CNOT2: variants seen among roughly 807,000 people sequenced by gnomAD.
The protein encoded by CNOT2 is CC chemokine receptor 4-negative regulator of transcription 2.
Under a neutral mutation model 72.1 loss-of-function variants are expected in CNOT2, and 7 were observed. The ratio of observed to expected loss-of-function variants is 0.10; its 90% CI spans 0.06 to 0.18. The LOEUF (loss-of-function observed/expected upper bound fraction) is 0.18, where lower values mean the gene tolerates loss of function less well. Ranked by LOEUF, CNOT2 falls within the 10% of genes least tolerant of loss-of-function variation. The pLI is 1.00. For missense variants in CNOT2, 345 were observed against 660.3 expected (o/e 0.52, Z 5.23); for synonymous variants, 196 against 225.6 (o/e 0.87, Z 1.17).
chr12:70,249,174 ATTAC>A (rs1411218936), intron 1 of CNOT2, among the ~76,000 whole-genome samples: 1 of 151,930 alleles, frequency 6.6e-6, no homozygotes, highest in Non-Finnish European at 1.5e-5. Context: ...GTGCTTTTGT[ATTAC>A]TTTCTACATT....
At chr12:70,259,913 G>A (rs1344284095) in intron 1 of CNOT2, among the ~76,000 whole-genome samples, 1 of 152,128 alleles carries the variant, frequency 6.6e-6, no homozygotes, top group East Asian at 1.9e-4. Context: ...CTCAGTATTT[G>A]TTAAAAAGAC....
rs147096510 is a variant in CNOT2, at chr12:70,262,996, G to A, written c.-95-15136G>A. On this transcript the variant is annotated intron_variant, in intron 1 of 15. Coordinates refer to ENST00000229195, the MANE Select transcript of CNOT2 (RefSeq NM_014515.7). ...CCTATTTTGCCTTTTTTGAAGGATG[G>A]TTTTGCTGGATATAAAATTCTTTAT... 4.3e-3 allele frequency among the ~76,000 whole-genome samples: 657 copies of A among 152,234 alleles called. 6 individuals carry two copies. The highest frequency in any genetic ancestry group is 0.014 in the African/African-American group (584 of 41,532).
chr12:70,335,368 T>C, intron 7 of CNOT2, 70 bp from the exon 8 acceptor site: 2 of 1,137,434 alleles, frequency 1.8e-6, no homozygotes, highest in Non-Finnish European at 2.6e-6. Flanking sequence ...AATTATATTA[T>C]GGTTGGTTTT....
intron 2 of CNOT2, among the ~76,000 whole-genome samples, chr12:70,305,129 G>A (rs75316520): frequency 1.2e-4 from 19 of 152,220 alleles, no homozygotes; most frequent in African/African-American, 4.8e-5. Flanking sequence ...CGGGTGAGGC[G>A]ATGCCCCGCC....
At chr12:70,250,546 CA>C (rs1227353461) in intron 1 of CNOT2, among the ~76,000 whole-genome samples, 5 of 151,252 alleles carry the variant, frequency 3.3e-5, no homozygotes, top group Non-Finnish European at 7.4e-5. Flanking sequence ...AGACAGTAAA[CA>C]AATAAATAAA....
chr12:70,325,006 C>A (rs962500039), intron 4 of CNOT2, among the ~76,000 whole-genome samples: 7 of 151,806 alleles, frequency 4.6e-5, no homozygotes, highest in African/African-American at 1.7e-4. Context: ...TTAGTGTGGT[C>A]CCTCCTACAA....
chr12:70,296,131 C>A (rs1276074054), intron 2 of CNOT2, among the ~76,000 whole-genome samples: 1 of 151,990 alleles, frequency 6.6e-6, no homozygotes, highest in Non-Finnish European at 1.5e-5. Flanking sequence ...TTTCCACCCT[C>A]CCCTCCCCCA....
At chr12:70,303,447 A>T (rs1050501114) in intron 2 of CNOT2, among the ~76,000 whole-genome samples, 1 of 152,140 alleles carries the variant, frequency 6.6e-6, no homozygotes, top group Admixed American at 6.5e-5. Flanking sequence ...GCTTGTCTGT[A>T]AAGTATTTTA....
intron 1 of CNOT2, among the ~76,000 whole-genome samples, chr12:70,262,152 A>G (rs1000933968): frequency 2.6e-4 from 40 of 151,648 alleles, no homozygotes; most frequent in Admixed American, 7.2e-4. Context: ...ATCTTTTTAG[A>G]TAATAAACTT....
Position 70,344,191 on chromosome 12 carries a change from G to A in CNOT2, c.1354G>A (p.Gly452Arg). The change falls in exon 14 of 16, where the codon GGA becomes AGA. Residue 452 changes from glycine to arginine, a missense_variant. Physicochemically the swap from Gly to Arg is moderately radical, Grantham distance 125. Coordinates refer to ENST00000229195, the MANE Select transcript of CNOT2 (RefSeq NM_014515.7). The part of the protein sequence containing the change: ...DLLFYLYYMN[G>R]GDVLQLLAAV... Reference sequence around the variant, plus strand: ...TCTCTTCTATCTCTATTACATGAATGGAGGAGACGTATTACAACTTTTAGC... The same window carrying A: ...TCTCTTCTATCTCTATTACATGAATAGAGGAGACGTATTACAACTTTTAGC... The A allele has an allele frequency of 1.2e-6, 2 of 1,612,224 alleles. No homozygotes were observed. Among genetic ancestry groups the A allele is most frequent in the South Asian group, 1.1e-5 (1 of 90,980 alleles).
intron 2 of CNOT2, among the ~76,000 whole-genome samples, chr12:70,299,846 T>C (rs1391552157): frequency 6.6e-6 from 1 of 152,198 alleles, no homozygotes; most frequent in Non-Finnish European, 1.5e-5. Flanking sequence ...ACCAGCAGTG[T>C]AAAAGTGTTC....
intron 14 of CNOT2, 139 bp downstream of exon 14, chr12:70,344,367 T>C (rs577407383): frequency 5.1e-6 from 3 of 592,968 alleles, no homozygotes; most frequent in Middle Eastern, 4.4e-4. Flanking sequence ...TTAAAGTGAA[T>C]TTAATTTAGA....
chr12:70,253,589 A>G (rs1003341875), intron 1 of CNOT2, among the ~76,000 whole-genome samples: 2 of 152,186 alleles, frequency 1.3e-5, no homozygotes, highest in East Asian at 1.9e-4. Flanking sequence ...TCTGGGCTCT[A>G]TAAACTTACT....
At chr12:70,304,975 G>T (rs759150260) in intron 2 of CNOT2, among the ~76,000 whole-genome samples, 3 of 152,238 alleles carry the variant, frequency 2.0e-5, no homozygotes, top group Non-Finnish European at 4.4e-5. Flanking sequence ...CTCTGAGCCA[G>T]GTGCGGGATA....
intron 5 of CNOT2, among the ~76,000 whole-genome samples, chr12:70,329,964 T>C (rs1412616304): frequency 6.6e-6 from 1 of 152,032 alleles, no homozygotes; most frequent in Non-Finnish European, 1.5e-5. Flanking sequence ...ATACATTTAG[T>C]ATGCAGAGGA....
intron 1 of CNOT2, among the ~76,000 whole-genome samples, chr12:70,245,820 T>C (rs767436003): frequency 1.3e-5 from 2 of 152,180 alleles, no homozygotes; most frequent in Non-Finnish European, 2.9e-5. Context: ...TTTATAACTT[T>C]GGATGTTGCA....
chr12:70,343,899 T>A (rs2136073525), intron 13 of CNOT2: 1 of 381,764 alleles, frequency 2.6e-6, no homozygotes, highest in East Asian at 4.2e-5. Flanking sequence ...AGTCAGCATA[T>A]CAATTAGATG....
At chr12:70,318,014 C>T (rs1019479619) in intron 3 of CNOT2, among the ~76,000 whole-genome samples, 1 of 151,868 alleles carries the variant, frequency 6.6e-6, no homozygotes, top group African/African-American at 2.4e-5. Context: ...CTCCATTAAC[C>T]TCCTTTTCCC....
At chr12:70,337,644 A>G (rs1447251519) in intron 9 of CNOT2, 131 bp downstream of exon 9, 1 of 945,582 alleles carries the variant, frequency 1.1e-6, no homozygotes, top group Non-Finnish European at 1.6e-6. Context: ...CTAACTTCTG[A>G]AGAATGTGGA....
Sources: gnomAD v4.1 joint callset for allele counts (sites outside exome capture counted in the v4.1 genomes callset) on GRCh38, gnomAD v4.1.1 for gene constraint, MANE v1.5 for transcripts, NCBI Gene and HGNC (gene_info 2026-07-23, HGNC 2026-07-21) for gene names.